The following KHDRBS3 variants were observed in gnomAD, a reference collection of about 807,000 sequenced individuals.
KHDRBS3 encodes KH RNA binding domain containing, signal transduction associated 3.
Under a neutral mutation model 45.6 loss-of-function variants are expected in KHDRBS3, and 23 were observed. The ratio of observed to expected loss-of-function variants is 0.50; its 90% CI spans 0.36 to 0.72. KHDRBS3 has a LOEUF of 0.72. KHDRBS3 is among the 30% of genes least tolerant of loss of function. The pLI is 0.00. For missense variants in KHDRBS3, 352 were observed against 424.8 expected, an observed-to-expected ratio of 0.83 and a Z score of 1.51; for synonymous variants, 162 against 156.5, an observed-to-expected ratio of 1.04 and a Z score of -0.26.
At chr8:135,654,043 C>T (rs1461783908) in intron 4 of KHDRBS3, among the ~76,000 whole-genome samples, 1 of 152,120 alleles carries the variant, frequency 6.6e-6, no homozygotes, top group East Asian at 1.9e-4. Flanking sequence ...TGTATCTTTC[C>T]AGAGATAGTC....
intron 1 of KHDRBS3, among the ~76,000 whole-genome samples, chr8:135,499,431 T>G (rs533117965): frequency 6.6e-6 from 1 of 152,344 alleles, no homozygotes; most frequent in African/African-American, 2.4e-5. Flanking sequence ...TCAGTCTTTC[T>G]CCTAATCCAC....
intron 1 of KHDRBS3, among the ~76,000 whole-genome samples, chr8:135,473,867 C>T (rs560157167): frequency 6.6e-6 from 1 of 152,190 alleles, no homozygotes; most frequent in Non-Finnish European, 1.5e-5. Flanking sequence ...GAAGCCCCAC[C>T]TTCTAGCACT....
At chr8:135,516,092 A>G (rs1226883761) in intron 1 of KHDRBS3, among the ~76,000 whole-genome samples, 1 of 152,222 alleles carries the variant, frequency 6.6e-6, no homozygotes, top group Non-Finnish European at 1.5e-5. Flanking sequence ...GCATGTTGCA[A>G]AGCCAGAGTA....
chr8:135,478,258 A>G, intron 1 of KHDRBS3, among the ~76,000 whole-genome samples: 1 of 152,210 alleles, frequency 6.6e-6, no homozygotes, highest in Non-Finnish European at 1.5e-5. Context: ...CCAGAACTGT[A>G]AGATAATAAA....
intron 6 of KHDRBS3, among the ~76,000 whole-genome samples, chr8:135,583,169 C>G (rs1046033374): frequency 3.3e-5 from 5 of 152,152 alleles, no homozygotes; most frequent in Admixed American, 2.6e-4. Context: ...TTACATTTCT[C>G]TCTCCCACCT....
intron 5 of KHDRBS3, among the ~76,000 whole-genome samples, chr8:135,562,084 A>G (rs1480156746): frequency 6.6e-6 from 1 of 152,198 alleles, no homozygotes; most frequent in Non-Finnish European, 1.5e-5. Context: ...GTGTAGTCCA[A>G]GTTTATAATG....
intron 1 of KHDRBS3, among the ~76,000 whole-genome samples, chr8:135,514,522 T>G (rs1440251547): frequency 6.6e-6 from 1 of 152,174 alleles, no homozygotes; most frequent in Non-Finnish European, 1.5e-5. Context: ...CACATTTATA[T>G]AAACAAAATA....
intron 1 of KHDRBS3, among the ~76,000 whole-genome samples, chr8:135,481,223 G>GATATATAT (rs10529846): frequency 0.024 from 1,833 of 76,948 alleles, 27 homozygotes; most frequent in East Asian, 0.031. Flanking sequence ...TGAAAGCCAC[G>GATATATAT]ATATATATAT....
At chr8:135,628,607 G>A (rs1294843244) in intron 7 of KHDRBS3, among the ~76,000 whole-genome samples, 1 of 152,132 alleles carries the variant, frequency 6.6e-6, no homozygotes, top group Non-Finnish European at 1.5e-5. Context: ...AATTTTATTT[G>A]CATGTCTTTG....
chr8:135,463,791 C>A (rs193297047), intron 1 of KHDRBS3, among the ~76,000 whole-genome samples: 1 of 152,234 alleles, frequency 6.6e-6, no homozygotes, highest in East Asian at 1.9e-4. Context: ...ATATCAAAAG[C>A]CCCATTTGCC....
chr8:135,501,557 T>G (rs1310344238), intron 1 of KHDRBS3, among the ~76,000 whole-genome samples: 2 of 152,190 alleles, frequency 1.3e-5, no homozygotes, highest in Admixed American at 1.3e-4. Flanking sequence ...AGATTTGAGC[T>G]GGAAGTAAGA....
chr8:135,642,366 GTT>G (rs1051591235), intron 7 of KHDRBS3, among the ~76,000 whole-genome samples: 1 of 152,196 alleles, frequency 6.6e-6, no homozygotes, highest in Non-Finnish European at 1.5e-5. Context: ...AAAGCATAGA[GTT>G]TTTTTAGATT....
chr8:135,562,346 A>G (rs1025360737), intron 5 of KHDRBS3, among the ~76,000 whole-genome samples: 1 of 152,238 alleles, frequency 6.6e-6, no homozygotes, highest in Admixed American at 6.5e-5. Flanking sequence ...GGTATTCAGT[A>G]CAATAACATG....
At chr8:135,568,156 T>G (rs917304194) in intron 5 of KHDRBS3, among the ~76,000 whole-genome samples, 1 of 152,234 alleles carries the variant, frequency 6.6e-6, no homozygotes, top group African/African-American at 2.4e-5. Flanking sequence ...TAAAGAATAT[T>G]AAAATACTTT....
At chr8:135,600,475 T>G (rs1829159557) in intron 6 of KHDRBS3, among the ~76,000 whole-genome samples, 1 of 152,122 alleles carries the variant, frequency 6.6e-6, no homozygotes, top group Non-Finnish European at 1.5e-5. Flanking sequence ...ATTGGCTAGT[T>G]AGATGACAAT....
At chr8:135,513,154 T>A (rs1824392412) in intron 1 of KHDRBS3, among the ~76,000 whole-genome samples, 1 of 151,696 alleles carries the variant, frequency 6.6e-6, no homozygotes, top group African/African-American at 2.4e-5. Flanking sequence ...GAGCCGAGAT[T>A]GCGCCACTGC....
At chr8:135,653,135 A>T (rs116158744) in intron 4 of KHDRBS3, among the ~76,000 whole-genome samples, 1,811 of 152,300 alleles carry the variant, frequency 0.012, 28 homozygotes, top group African/African-American at 0.042. Context: ...GAATAAACAA[A>T]CAGGTACCAT....
intron 5 of KHDRBS3, among the ~76,000 whole-genome samples, chr8:135,569,082 C>T (rs1455776210): frequency 1.3e-5 from 2 of 151,928 alleles, no homozygotes; most frequent in Non-Finnish European, 2.9e-5. Flanking sequence ...AAACCAATCA[C>T]CATTAGGAGC....
intron 1 of KHDRBS3, among the ~76,000 whole-genome samples, chr8:135,470,585 T>C (rs1480224692): frequency 6.6e-6 from 1 of 151,816 alleles, no homozygotes; most frequent in Admixed American, 6.6e-5. Context: ...CTTTTTTTTT[T>C]TTTTCTTCTT....
Sources: gnomAD v4.1 joint callset for allele counts (sites outside exome capture counted in the v4.1 genomes callset) on GRCh38, gnomAD v4.1.1 for gene constraint, MANE v1.5 for transcripts, NCBI Gene and HGNC (gene_info 2026-07-23, HGNC 2026-07-21) for gene names.